FHDC1: variants seen among roughly 807,000 people sequenced by gnomAD.
The protein encoded by FHDC1 is FH2 domain-containing protein 1.
In FHDC1, 25 loss-of-function variants were observed where a neutral mutation model predicts 52.6. The ratio of observed to expected loss-of-function variants is 0.48; its 90% CI spans 0.35 to 0.66. FHDC1 has a LOEUF of 0.66. FHDC1 is among the 30% of genes least tolerant of loss of function. The pLI is 0.01. For synonymous variants in FHDC1, 616 were observed against 581.5 expected (o/e 1.06, Z -0.85); for missense variants, 1,459 against 1,452.8 (o/e 1.00, Z -0.07).
the FHDC1 span, chr4:152,928,330 C>G: frequency 2.1e-6 from 1 of 486,394 alleles, no homozygotes; most frequent in Non-Finnish European, 3.7e-6. Flanking sequence ...CACAACATGA[C>G]ATTTTTAACC....
chr4:152,943,274 C>T lies in FHDC1; in HGVS notation c.217C>T (p.Pro73Ser). ...TCCACTTCCTGGGGAGCCTCCCATC[C>T]CACCTCCCCCACCAGGCCTACCCCC... is the stretch of plus-strand genomic sequence containing the variant. Reference protein sequence around the residue: ...PPPLPGEPPIPPPPPGLPPTT... With the variant: ...PPPLPGEPPISPPPPGLPPTT... The change falls in exon 2 of 12, where the codon CCA becomes TCA. Residue 73 changes from proline (P) to serine (S), a missense_variant. Pro to Ser is a moderately conservative substitution (Grantham distance 74). Transcript: ENST00000511601. 6.3e-7 allele frequency: 1 copy of T among 1,599,520 alleles called. No homozygotes were observed. The highest frequency in any genetic ancestry group is 2.2e-5 in the East Asian group (1 of 44,676).
chr4:152,934,110 G>A (rs1170540315), upstream of FHDC1, among the ~76,000 whole-genome samples: 1 of 152,198 alleles, frequency 6.6e-6, no homozygotes, highest in East Asian at 1.9e-4. Context: ...TGCCTGATAT[G>A]TGGCCAACAG....
At position 152,975,149 on chromosome 4, in the gene FHDC1, C is replaced by T. The variant is rs1465273467; in HGVS notation, c.1858C>T (p.His620Tyr). 1.2e-6 allele frequency: 2 copies of T among 1,613,044 alleles called. No individual in the cohort carries two copies. Among genetic ancestry groups the T allele is most frequent in the South Asian group, 1.1e-5 (1 of 91,082 alleles). The change falls in exon 12 of 12, where the codon CAC becomes TAC. Residue 620 changes from histidine to tyrosine, a missense_variant. By Grantham distance (83) the His-to-Tyr change is moderately conservative. This residue lies in a region of FHDC1 where 939 missense variants were observed against 854.5 expected (regional missense o/e 1.10). Transcript: ENST00000511601. ...CCCCAACCCACCCTCAGCACAGGCG[C>T]ACCAGCTTGCAGCCGCCCAGCCTGA... ...EAPNPPSAQA[H>Y]QLAAAQPENH...
At chr4:152,920,847 T>G in the FHDC1 span, among the ~76,000 whole-genome samples, 1 of 150,688 alleles carries the variant, frequency 6.6e-6, no homozygotes, top group African/African-American at 2.4e-5. Context: ...TATATAAGTG[T>G]CTTTTTAAAA....
chr4:152,961,130 G>A (rs62320609), intron 6 of FHDC1, among the ~76,000 whole-genome samples: 7,536 of 152,194 alleles, frequency 0.05, 239 homozygotes, highest in Non-Finnish European at 0.067. Context: ...TTCTCTCCTG[G>A]ATGAGCTTTC....
In FHDC1 at chr4:152,943,168, T is replaced by A. The variant is rs1739623362; in HGVS notation, c.111T>A (p.Pro37=). ...GQTPPPAPPP[P]PPPPPPSPPC... ...CACCTCCTCCAGCACCTCCTCCACCTCCTCCTCCACCCCCTCCATCTCCAC... is the reference window on the plus strand; with the variant it reads ...CACCTCCTCCAGCACCTCCTCCACCACCTCCTCCACCCCCTCCATCTCCAC... The change falls in exon 2 of 12, where the codon CCT becomes CCA. Residue 37 remains proline, a synonymous_variant. Transcript: ENST00000511601. 1 of 1,612,684 alleles carries A rather than the reference T, an allele frequency of 6.2e-7. No homozygotes were observed. Among genetic ancestry groups the A allele is most frequent in the Non-Finnish European group, 8.5e-7 (1 of 1,179,560 alleles).
intron 2 of FHDC1, among the ~76,000 whole-genome samples, chr4:152,950,334 G>A (rs552615733): frequency 2.7e-4 from 41 of 152,304 alleles, no homozygotes; most frequent in South Asian, 8.3e-4. Context: ...GATCGAATGC[G>A]ATAAAGTGGA....
At chr4:152,967,819 G>A (rs1256047390) in intron 9 of FHDC1, among the ~76,000 whole-genome samples, 161 bp from the exon 10 acceptor site, 3 of 152,162 alleles carry the variant, frequency 2.0e-5, no homozygotes, top group Non-Finnish European at 4.4e-5. Context: ...CTTAAAACAG[G>A]AGGAAACACA....
Position 152,976,412 on chromosome 4 carries a change from GCCT to G in FHDC1, c.3129_3131del (p.Ser1044del), listed in dbSNP as rs1281961658. ...CCCGAGCTTTGCCCGGAACACAGTG[GCCT>G]CCTCCTCTCGAAGCATGAGAACAGA... On this transcript the variant is annotated inframe_deletion, in exon 12 of 12. Transcript: ENST00000511601. 3 of 1,613,646 alleles carry G rather than the reference GCCT, an allele frequency of 1.9e-6. No individual in the cohort carries two copies. The highest frequency in any genetic ancestry group is 1.1e-5 in the South Asian group (1 of 91,092).
At chr4:152,955,314 A>G (rs938205987) in intron 4 of FHDC1, among the ~76,000 whole-genome samples, 1 of 152,006 alleles carries the variant, frequency 6.6e-6, no homozygotes, top group African/African-American at 2.4e-5. Context: ...AGCTTGATAG[A>G]AAAAAAACCC....
intron 2 of FHDC1, among the ~76,000 whole-genome samples, chr4:152,944,963 T>C (rs996366158): frequency 1.3e-5 from 2 of 152,232 alleles, no homozygotes; most frequent in Admixed American, 1.3e-4. Flanking sequence ...CTGCCAGCTC[T>C]CTTTACTGAA....
the FHDC1 span, among the ~76,000 whole-genome samples, chr4:152,916,136 C>T: frequency 8.3e-3 from 762 of 91,260 alleles, 8 homozygotes; most frequent in South Asian, 0.035. Context: ...AAGTCCATCA[C>T]AAAAGAAAAA....
At chr4:152,922,387 T>A in the FHDC1 span, among the ~76,000 whole-genome samples, 1 of 151,330 alleles carries the variant, frequency 6.6e-6, no homozygotes, top group Non-Finnish European at 1.5e-5. Context: ...CCAAAAAGAG[T>A]CCGGGACCAG....
chr4:152,963,285 C>G (rs1266797410), intron 8 of FHDC1, among the ~76,000 whole-genome samples, 155 bp downstream of exon 8: 1 of 152,266 alleles, frequency 6.6e-6, no homozygotes. Context: ...TTAGCAGATT[C>G]CTGAGTTGTA....
the FHDC1 span, among the ~76,000 whole-genome samples, chr4:152,918,002 G>C: frequency 2.0e-5 from 3 of 152,162 alleles, no homozygotes; most frequent in Admixed American, 6.5e-5. Flanking sequence ...AAGAGACCTT[G>C]CCTAAACTCA....
At chr4:152,921,707 T>C in the FHDC1 span, among the ~76,000 whole-genome samples, 4 of 152,160 alleles carry the variant, frequency 2.6e-5, no homozygotes, top group South Asian at 8.3e-4. Context: ...TATCAAATTT[T>C]GCACAAGCAA....
At position 152,954,284 on chromosome 4, in the gene FHDC1, C is replaced by A. The variant is rs774409275; in HGVS notation, c.628C>A (p.Arg210=). Residue 210 remains arginine (R), a synonymous_variant, in exon 4 of 12, where the codon CGA becomes AGA. Coordinates refer to ENST00000511601, the MANE Select transcript of FHDC1 (RefSeq NM_001371116.1). ...KSEHYGSETL[R]EFLKFLPESE... ...TGAGCATTATGGATCAGAGACCTTG[C>A]GAGAATTTCTTAAGTTTTTGCCAGA... 8 of 1,614,094 alleles carry A rather than the reference C, an allele frequency of 5.0e-6. No individual in the cohort carries two copies. The Admixed American group carries it at 1.2e-4, about 24-fold the overall frequency.
At chr4:152,974,531 C>T (rs1740776651) in intron 11 of FHDC1, 144 bp from the exon 12 acceptor site, 3 of 1,271,240 alleles carry the variant, frequency 2.4e-6, no homozygotes, top group African/African-American at 1.5e-5. Flanking sequence ...TGTGCACACA[C>T]ACAGCCTCTT....
chr4:152,921,608 CCCTT>C, the FHDC1 span, among the ~76,000 whole-genome samples: 10 of 135,614 alleles, frequency 7.4e-5, no homozygotes, highest in Non-Finnish European at 1.1e-4. Flanking sequence ...CTCCCTCCCT[CCCTT>C]CCTCCCTTTT....
Sources: allele counts gnomAD v4.1 joint callset (sites outside exome capture counted in the v4.1 genomes callset), GRCh38; gene constraint gnomAD v4.1.1; regional missense constraint gnomAD v4.1.1; transcripts MANE v1.5; gene names NCBI Gene and HGNC (gene_info 2026-07-23, HGNC 2026-07-21).